The following MRPS27 variants were observed in gnomAD, a reference collection of about 807,000 sequenced individuals.
MRPS27 encodes the protein small ribosomal subunit protein mS27.
In MRPS27, 43 loss-of-function variants were observed where a neutral mutation model predicts 48.9. That is an observed-to-expected ratio of 0.88 (90% CI 0.69 to 1.13). The LOEUF (loss-of-function observed/expected upper bound fraction) is 1.13, where lower values mean the gene tolerates loss of function less well. Among genes scored for constraint, MRPS27 ranks in the 50% most tolerant of loss-of-function variants. The pLI is 0.00. For synonymous variants in MRPS27, 188 were observed against 171.9 expected (o/e 1.09, Z -0.73); for missense variants, 467 against 476.3 (o/e 0.98, Z 0.18).
intron 4 of MRPS27, among the ~76,000 whole-genome samples, chr5:72,250,984 T>C (rs900909349): frequency 3.3e-5 from 5 of 152,220 alleles, no homozygotes; most frequent in African/African-American, 9.7e-5. Context: ...GGTAAAACTC[T>C]AGATTGATAT....
intron 2 of MRPS27, among the ~76,000 whole-genome samples, chr5:72,301,047 T>C (rs555726348): frequency 6.6e-6 from 1 of 152,228 alleles, no homozygotes; most frequent in Non-Finnish European, 1.5e-5. Flanking sequence ...TACTCCCTGG[T>C]GGAAGAAATT....
At chr5:72,277,181 T>C (rs563569795) in intron 4 of MRPS27, among the ~76,000 whole-genome samples, 1 of 152,160 alleles carries the variant, frequency 6.6e-6, no homozygotes, top group East Asian at 1.9e-4. Flanking sequence ...CTCATACCAG[T>C]AAAAACAGCA....
At chr5:72,241,083 G>A (rs980667149) in intron 4 of MRPS27, among the ~76,000 whole-genome samples, 1 of 152,166 alleles carries the variant, frequency 6.6e-6, no homozygotes, top group African/African-American at 2.4e-5. Context: ...TGTCATCCAG[G>A]CTGGAGTGCA....
intron 4 of MRPS27, among the ~76,000 whole-genome samples, chr5:72,257,976 C>T (rs909982194): frequency 2.0e-5 from 3 of 150,548 alleles, no homozygotes; most frequent in Non-Finnish European, 2.9e-5. Flanking sequence ...CCCAGCTACT[C>T]GGAAGGCTGA....
Position 72,219,707 on chromosome 5 carries a change from C to A in MRPS27, c.*1202G>T, listed in dbSNP as rs571826687. ...TCCTGACAGTTTTACAACATTCATA[C>A]CTCTGATGCACTTCAAGCCCCAACC... On this transcript the variant is annotated 3_prime_UTR_variant, in exon 11 of 11. Coordinates refer to ENST00000261413, the MANE Select transcript of MRPS27 (RefSeq NM_015084.3). The A allele has an allele frequency of 6.6e-6, 1 of 152,286 alleles. No homozygotes were observed. Among genetic ancestry groups the A allele is most frequent in the South Asian group, 2.1e-4 (1 of 4,820 alleles). 9.4% of individuals were successfully genotyped at this position (152,286 alleles called of 1,614,324 possible). A position where few individuals can be genotyped will look rare whatever the true frequency, so the allele number is the denominator to read the frequency against.
At chr5:72,304,206 G>C (rs1750196674) in intron 2 of MRPS27, among the ~76,000 whole-genome samples, 1 of 151,070 alleles carries the variant, frequency 6.6e-6, no homozygotes, top group Non-Finnish European at 1.5e-5. Context: ...AAAAAGTAGA[G>C]GATATAATCT....
At chr5:72,259,677 T>C (rs1223231207) in intron 4 of MRPS27, among the ~76,000 whole-genome samples, 2 of 152,136 alleles carry the variant, frequency 1.3e-5, no homozygotes, top group African/African-American at 2.4e-5. Context: ...ATTTGACTAA[T>C]TCCCTAATGA....
At chr5:72,277,266 G>A (rs1338337040) in intron 4 of MRPS27, among the ~76,000 whole-genome samples, 1 of 152,108 alleles carries the variant, frequency 6.6e-6, no homozygotes, top group Non-Finnish European at 1.5e-5. Flanking sequence ...CTGTTGATGG[G>A]AATATAAATT....
intron 4 of MRPS27, chr5:72,241,431 G>T: frequency 1.9e-6 from 1 of 531,006 alleles, no homozygotes; most frequent in Non-Finnish European, 3.3e-6. Flanking sequence ...TCCTTTCTTG[G>T]CCCCCATCAG....
rs376017367 is a variant in MRPS27 at position 72,250,540 on chromosome 5, A to G, written c.282-12412T>C. Among the ~76,000 whole-genome samples the G allele has an allele frequency of 2.0e-5, 3 of 152,204 alleles. No individual in the cohort carries two copies. In the East Asian group the frequency reaches 5.8e-4, roughly 29 times the overall value. ...AAAACTAATTGCACTGCCACCAGGT[A>G]AATCTCTGACAAAGTGCTGCTCTGT... On this transcript the variant is annotated intron_variant, in intron 4 of 10. Coordinates refer to ENST00000261413, the MANE Select transcript of MRPS27 (RefSeq NM_015084.3).
At chr5:72,263,856 A>C (rs1451219215) in intron 4 of MRPS27, among the ~76,000 whole-genome samples, 2 of 152,166 alleles carry the variant, frequency 1.3e-5, no homozygotes, top group East Asian at 3.9e-4. Flanking sequence ...AAACAGCTAA[A>C]GACAGAATTA....
At position 72,259,890 on chromosome 5, in the gene MRPS27, C is replaced by T. The variant is rs73761744; in HGVS notation, c.282-21762G>A. On this transcript the variant is annotated intron_variant, in intron 4 of 10. Coordinates refer to ENST00000261413, the MANE Select transcript of MRPS27 (RefSeq NM_015084.3). ...TAATTTTAAATTTTTACGAATATGA[C>T]AGGTAAAAAGTATTTCATTATGTTA... Among the ~76,000 whole-genome samples the T allele has an allele frequency of 8.7e-3, 1,322 of 152,172 alleles. 27 individuals carry two copies. Among genetic ancestry groups the T allele is most frequent in the African/African-American group, 0.029 (1,203 of 41,506 alleles).
intron 4 of MRPS27, among the ~76,000 whole-genome samples, chr5:72,289,199 C>T (rs567399710): frequency 2.8e-4 from 42 of 152,300 alleles, no homozygotes; most frequent in Admixed American, 3.9e-4. Context: ...TTGAGACCCA[C>T]GTACAGCATG....
rs1039537143 is a variant in MRPS27, at chr5:72,253,220, TC to T, written c.282-15093del. Reference sequence around the variant, plus strand: ...TTGTTTTCTAACTTCCAAGCTTTGCTCGTTGTCTCCTCTCCCAGTCTCTTAT... The same window carrying T: ...TTGTTTTCTAACTTCCAAGCTTTGCTGTTGTCTCCTCTCCCAGTCTCTTAT... On this transcript the variant is annotated intron_variant, in intron 4 of 10. Coordinates refer to ENST00000261413, the MANE Select transcript of MRPS27 (RefSeq NM_015084.3). Among the ~76,000 whole-genome samples, 567 of 152,314 alleles carry T rather than the reference TC, an allele frequency of 3.7e-3. 1 individual carries two copies. Among genetic ancestry groups the T allele is most frequent in the African/African-American group, 0.013 (552 of 41,568 alleles).
At chr5:72,249,191 G>C (rs1161277096) in intron 4 of MRPS27, among the ~76,000 whole-genome samples, 3 of 152,180 alleles carry the variant, frequency 2.0e-5, no homozygotes. Flanking sequence ...AAACTGCAGA[G>C]AGAATAGTTC....
chr5:72,232,704 T>A, intron 6 of MRPS27, 146 bp from the exon 7 acceptor site: 1 of 592,186 alleles, frequency 1.7e-6, no homozygotes, highest in Non-Finnish European at 2.9e-6. Context: ...GCTTAGGCTC[T>A]GGCCCTAGTT....
At chr5:72,284,446 T>A (rs1001084455) in intron 4 of MRPS27, among the ~76,000 whole-genome samples, 4 of 149,518 alleles carry the variant, frequency 2.7e-5, no homozygotes, top group East Asian at 1.9e-4. Context: ...AAAAAAAAAA[T>A]TTGGTTAATT....
At chr5:72,256,580 CT>C (rs1383554230) in intron 4 of MRPS27, among the ~76,000 whole-genome samples, 1 of 152,164 alleles carries the variant, frequency 6.6e-6, no homozygotes, top group Non-Finnish European at 1.5e-5. Flanking sequence ...TGCCCTCTTC[CT>C]TTTCACCCAG....
At chr5:72,294,999 T>A (rs1442290952) in intron 4 of MRPS27, among the ~76,000 whole-genome samples, 1 of 152,024 alleles carries the variant, frequency 6.6e-6, no homozygotes, top group African/African-American at 2.4e-5. Context: ...CTGAAACACT[T>A]CTGGTTTCAA....
Sources: gnomAD v4.1 joint callset for allele counts (sites outside exome capture counted in the v4.1 genomes callset) on GRCh38, gnomAD v4.1.1 for gene constraint, MANE v1.5 for transcripts, NCBI Gene and HGNC (gene_info 2026-07-23, HGNC 2026-07-21) for gene names.